Variants in MBNL2 observed in about 807,000 individuals in gnomAD.
The protein encoded by MBNL2 is muscleblind like splicing regulator 2.
In MBNL2, 17 loss-of-function variants were observed where a neutral mutation model predicts 41.9. The observed-to-expected ratio is 0.41, with a 90% CI of 0.28 to 0.61. The LOEUF (loss-of-function observed/expected upper bound fraction) is 0.61, where lower values mean the gene tolerates loss of function less well. Among genes scored for constraint, MBNL2 ranks in the 20% least tolerant of loss-of-function variants. The pLI is 0.35. For missense variants in MBNL2, 336 were observed against 505.6 expected, an observed-to-expected ratio of 0.66 and a Z score of 3.22; for synonymous variants, 195 against 182.9, an observed-to-expected ratio of 1.07 and a Z score of -0.53.
rs558218331 is a variant in MBNL2, at chr13:97,296,673, CAA to C, written c.174+20268_174+20269del. On this transcript the variant is annotated intron_variant, in intron 2 of 8. Coordinates refer to ENST00000679496, the MANE Select transcript of MBNL2 (RefSeq NM_001382683.1). ...TTACCATTTAAATTTGAGCTAGTTG[CAA>C]AAAGGTGCTTAAAAGAGAAAAATAC... Among the ~76,000 whole-genome samples the C allele has an allele frequency of 2.0e-5, 3 of 151,990 alleles. No individual in the cohort carries two copies. In the South Asian group the frequency reaches 6.2e-4, roughly 32 times the overall value.
At chr13:97,167,821 C>G in the MBNL2 span, among the ~76,000 whole-genome samples, 3 of 152,118 alleles carry the variant, frequency 2.0e-5, no homozygotes, top group Non-Finnish European at 4.4e-5. Flanking sequence ...TTCATTCTGT[C>G]TCAGAAAGGG....
At chr13:97,378,025 C>T (rs1049299791) in intron 8 of MBNL2, among the ~76,000 whole-genome samples, 7 of 149,598 alleles carry the variant, frequency 4.7e-5, no homozygotes, top group Admixed American at 1.3e-4. Context: ...CAGAGGTGTC[C>T]GTAGAGAGTC....
the MBNL2 span, among the ~76,000 whole-genome samples, chr13:97,159,226 T>C: frequency 1.3e-4 from 18 of 142,366 alleles, no homozygotes; most frequent in African/African-American, 4.5e-4. Context: ...AACCCCTGCG[T>C]TTTTTTGTTT....
the MBNL2 span, among the ~76,000 whole-genome samples, chr13:97,142,400 A>AGGC: frequency 6.6e-6 from 1 of 152,236 alleles, no homozygotes; most frequent in Non-Finnish European, 1.5e-5. Context: ...CAAATGCTGA[A>AGGC]GGCAAGGACC....
chr13:97,145,989 C>CTTTTCTTTTCTTTTCTTTTCTTTTCTTT, the MBNL2 span, among the ~76,000 whole-genome samples: 165 of 141,760 alleles, frequency 1.2e-3, 1 homozygote, highest in African/African-American at 3.6e-3. Flanking sequence ...CTTTTCTTTT[C>CTTTTCTTTTCTTTTCTTTTCTTTTCTTT]TTTTCTTTTC....
chr13:97,327,370 C>T (rs2059986369), intron 2 of MBNL2, among the ~76,000 whole-genome samples: 1 of 151,786 alleles, frequency 6.6e-6, no homozygotes, highest in South Asian at 2.1e-4. Context: ...GTGGCTTTCC[C>T]CTTTTACTAG....
chr13:97,190,584 T>C, the MBNL2 span, among the ~76,000 whole-genome samples: 1 of 152,228 alleles, frequency 6.6e-6, no homozygotes, highest in Non-Finnish European at 1.5e-5. Context: ...GCTATAATTT[T>C]GTCCACATAC....
intron 8 of MBNL2, among the ~76,000 whole-genome samples, chr13:97,377,139 C>T (rs1478649016): frequency 1.3e-5 from 2 of 152,154 alleles, no homozygotes; most frequent in African/African-American, 4.8e-5. Context: ...CATTGAAACC[C>T]AACACGTCCT....
the MBNL2 span, among the ~76,000 whole-genome samples, chr13:97,214,938 C>T: frequency 6.6e-6 from 1 of 152,216 alleles, no homozygotes; most frequent in Non-Finnish European, 1.5e-5. Flanking sequence ...ATTTACAATT[C>T]ACCATTTGGA....
intron 5 of MBNL2, among the ~76,000 whole-genome samples, chr13:97,351,277 G>C (rs144798458): frequency 4.5e-4 from 69 of 152,294 alleles, no homozygotes; most frequent in African/African-American, 1.6e-3. Flanking sequence ...AGGCTTTGTT[G>C]TTTCATTTCT....
At chr13:97,296,052 A>G (rs1326226715) in intron 2 of MBNL2, among the ~76,000 whole-genome samples, 2 of 152,220 alleles carry the variant, frequency 1.3e-5, no homozygotes, top group Admixed American at 1.3e-4. Context: ...AAGATATCTT[A>G]TTAGGTTTTC....
At chr13:97,374,210 C>T (rs1470303490) in intron 8 of MBNL2, among the ~76,000 whole-genome samples, 1 of 151,530 alleles carries the variant, frequency 6.6e-6, no homozygotes, top group African/African-American at 2.4e-5. Flanking sequence ...TGCAGTGGCG[C>T]GATCTCGGCT....
intron 2 of MBNL2, among the ~76,000 whole-genome samples, chr13:97,293,568 C>G (rs562531460): frequency 2.0e-5 from 3 of 151,958 alleles, no homozygotes; most frequent in African/African-American, 7.3e-5. Flanking sequence ...GTGCTTTGTG[C>G]CTGTAATTAT....
chr13:97,305,460 C>T (rs2058037664), intron 2 of MBNL2, among the ~76,000 whole-genome samples: 1 of 152,116 alleles, frequency 6.6e-6, no homozygotes, highest in Non-Finnish European at 1.5e-5. Flanking sequence ...AAGCCTAAAT[C>T]ATGACTTCAA....
At chr13:97,390,133 T>C (rs920086188) in intron 8 of MBNL2, among the ~76,000 whole-genome samples, 8 of 152,222 alleles carry the variant, frequency 5.3e-5, no homozygotes, top group Non-Finnish European at 8.8e-5. Context: ...CCATTTACTA[T>C]AAATATTTAA....
chr13:97,257,297 AGAT>A (rs1381807805), intron 1 of MBNL2, among the ~76,000 whole-genome samples: 2 of 152,210 alleles, frequency 1.3e-5, no homozygotes, highest in African/African-American at 4.8e-5. Flanking sequence ...GTAGGAACTC[AGAT>A]GATAAAATCG....
chr13:97,254,063 T>C (rs2047083635), intron 1 of MBNL2, among the ~76,000 whole-genome samples: 1 of 152,116 alleles, frequency 6.6e-6, no homozygotes, highest in South Asian at 2.1e-4. Flanking sequence ...CTAATTTTTG[T>C]ATATTTAGTA....
At chr13:97,238,159 C>T (rs181865548) in intron 1 of MBNL2, among the ~76,000 whole-genome samples, 149 of 152,276 alleles carry the variant, frequency 9.8e-4, no homozygotes, top group African/African-American at 3.4e-3. Flanking sequence ...GCTTCTGTAG[C>T]GTGTGGAGCC....
chr13:97,224,887 C>A (rs188838993), intron 1 of MBNL2, among the ~76,000 whole-genome samples: 2 of 152,202 alleles, frequency 1.3e-5, no homozygotes, highest in Non-Finnish European at 2.9e-5. Flanking sequence ...TCGATCTAAT[C>A]TAATATACTA....
Sources: allele counts gnomAD v4.1 joint callset (sites outside exome capture counted in the v4.1 genomes callset), GRCh38; gene constraint gnomAD v4.1.1; transcripts MANE v1.5; gene names NCBI Gene and HGNC (gene_info 2026-07-23, HGNC 2026-07-21).